The following MYO9B variants were observed in gnomAD, a reference collection of about 807,000 sequenced individuals.
The protein encoded by MYO9B is unconventional myosin-IXb.
In MYO9B, 71 loss-of-function variants were observed where a neutral mutation model predicts 229.5. That is an observed-to-expected ratio of 0.31 (90% CI 0.26 to 0.38). The LOEUF is 0.38. Ranked by LOEUF, MYO9B falls within the 10% of genes least tolerant of loss-of-function variation. MYO9B has a pLI of 1.00. For missense variants in MYO9B, 2,255 were observed against 2,920.5 expected (o/e 0.77, Z 5.25); for synonymous variants, 1,185 against 1,235.8 (o/e 0.96, Z 0.86).
intron 15 of MYO9B, among the ~76,000 whole-genome samples, chr19:17,183,124 G>A (rs1036519872): frequency 1.3e-5 from 2 of 152,154 alleles, no homozygotes; most frequent in South Asian, 2.1e-4. Context: ...GTTTCACCAT[G>A]TTGGCCAGGC....
In MYO9B at chr19:17,106,549, C is replaced by T. The variant is rs149985410; in HGVS notation, c.840+3992C>T. Among the ~76,000 whole-genome samples, 269 of 152,358 alleles carry T rather than the reference C, an allele frequency of 1.8e-3. 1 individual carries two copies. Among genetic ancestry groups the T allele is most frequent in the Non-Finnish European group, 2.4e-3 (162 of 68,032 alleles). ...AAACTGCCAGTGGCCCCAGTGTCCTCCCAGCAGGTGGCCAGGGGGCTCAAC... is the reference window on the plus strand; with the variant it reads ...AAACTGCCAGTGGCCCCAGTGTCCTTCCAGCAGGTGGCCAGGGGGCTCAAC... On this transcript the variant is annotated intron_variant, in intron 2 of 39. Transcript: ENST00000682292.
intron 10 of MYO9B, among the ~76,000 whole-genome samples, chr19:17,167,473 A>ATTT (rs36062777): frequency 3.4e-5 from 4 of 117,396 alleles, no homozygotes; most frequent in Admixed American, 9.5e-5. Flanking sequence ...TATTAGAGCT[A>ATTT]TTTTTTTTTT....
At chr19:17,114,290 G>T (rs559956535) in intron 2 of MYO9B, among the ~76,000 whole-genome samples, 1 of 152,126 alleles carries the variant, frequency 6.6e-6, no homozygotes. Flanking sequence ...AATTCGGCAC[G>T]ATTGTGGAGT....
At chr19:17,113,369 C>T (rs1018505831) in intron 2 of MYO9B, among the ~76,000 whole-genome samples, 4 of 152,138 alleles carry the variant, frequency 2.6e-5, no homozygotes, top group Admixed American at 1.3e-4. Context: ...GGGTGCCCGT[C>T]CTCCTCTCGG....
chr19:17,107,519 TA>T (rs1257102063), intron 2 of MYO9B, among the ~76,000 whole-genome samples: 1 of 152,144 alleles, frequency 6.6e-6, no homozygotes, highest in East Asian at 1.9e-4. Context: ...TGCTAAGTGT[TA>T]GGGGCAAGGG....
At position 17,154,035 on chromosome 19, in the gene MYO9B, A is replaced by G. The variant is rs950577999; in HGVS notation, c.1067A>G (p.Lys356Arg). ...SEEERQEFQL[K>R]QPEDYFYLNQ... is the part of the protein sequence containing the mutation. The stretch of plus-strand genomic sequence containing the variant: ...GAAGAGCGCCAAGAATTTCAGCTCA[A>G]GCAGCCTGAAGATTATTTCTACCTC... Residue 356 changes from lysine (K) to arginine (R), a missense_variant, in exon 5 of 40, where the codon AAG (lysine) becomes AGG (arginine). Lys to Arg is a conservative substitution (Grantham distance 26, BLOSUM62 2). This residue lies in a region of MYO9B where 386 missense variants were observed against 515.2 expected (regional missense o/e 0.75). Transcript: ENST00000682292. The G allele has an allele frequency of 1.1e-5, 17 of 1,613,124 alleles. No individual in the cohort carries two copies. The highest frequency in any genetic ancestry group is 1.3e-5 in the African/African-American group (1 of 74,802).
intron 3 of MYO9B, among the ~76,000 whole-genome samples, chr19:17,146,679 G>T (rs758852488): frequency 6.6e-6 from 1 of 152,092 alleles, no homozygotes; most frequent in East Asian, 1.9e-4. Context: ...TTGTGGATGT[G>T]TCAATTAGCG....
At chr19:17,120,103 A>G (rs113768511) in intron 2 of MYO9B, among the ~76,000 whole-genome samples, 2 of 152,172 alleles carry the variant, frequency 1.3e-5, no homozygotes, top group African/African-American at 2.4e-5. Flanking sequence ...TGTCAAAGGC[A>G]GGATGTGTAA....
In MYO9B at chr19:17,194,674, G is replaced by A. The variant is rs2073021561; in HGVS notation, c.3247G>A (p.Val1083Ile). ...GQGQAAGGQQ[V>I]AEQGPEPAED... ...GGGTCAGGCGGCTGGAGGGCAGCAG[G>A]TAGCTGAGCAGGGGCCGGAGCCAGC... is the stretch of plus-strand genomic sequence containing the variant. Residue 1083 changes from valine to isoleucine, a missense_variant, in exon 22 of 40, where the codon GTA (valine) becomes ATA (isoleucine). Coordinates refer to ENST00000682292, the MANE Select transcript of MYO9B (RefSeq NM_004145.4). 3 of 1,612,874 alleles carry A rather than the reference G, an allele frequency of 1.9e-6. No individual in the cohort carries two copies. The highest frequency in any genetic ancestry group is 2.5e-6 in the Non-Finnish European group (3 of 1,179,868).
Position 17,195,964 on chromosome 19 carries a change from C to T in MYO9B, c.4046+491C>T, listed in dbSNP as rs977392477. 2.6e-5 allele frequency among the ~76,000 whole-genome samples: 4 copies of T among 151,828 alleles called. No individual in the cohort carries two copies. The highest frequency in any genetic ancestry group is 6.6e-5 in the Admixed American group (1 of 15,228). On this transcript the variant is annotated intron_variant, in intron 22 of 39. Transcript: ENST00000682292. This position sits in a 1 kb window ranked among gnomAD's most constrained non-coding sequence, Gnocchi z 4.5. ...GGAGACAGGCCTTCCCTGCAGCAGG[C>T]CTGCTCAGCCTCCCACTGCTCGTAT...
intron 2 of MYO9B, among the ~76,000 whole-genome samples, chr19:17,127,484 A>G (rs997805985): frequency 6.2e-5 from 9 of 144,814 alleles, no homozygotes; most frequent in South Asian, 4.5e-4. Flanking sequence ...CCACCACCAC[A>G]CCCGGCTAAT....
In MYO9B at chr19:17,206,346, G is replaced by A. The variant is rs756456828; in HGVS notation, c.5356G>A (p.Ala1786Thr). 11 of 1,610,236 alleles carry A rather than the reference G, an allele frequency of 6.8e-6. No individual in the cohort carries two copies. The highest frequency in any genetic ancestry group is 2.7e-5 in the African/African-American group (2 of 74,796). ...RELPEPLMTF[A>T]QYGDFLRAVE... Reference sequence around the variant, plus strand: ...GCTGCCCGAGCCCCTCATGACCTTCGCACAGTACGGCGACTTCCTCCGAGC... The same window carrying A: ...GCTGCCCGAGCCCCTCATGACCTTCACACAGTACGGCGACTTCCTCCGAGC... Residue 1786 changes from alanine (A) to threonine (T), a missense_variant, in exon 33 of 40, where the codon GCA becomes ACA. Physicochemically the swap from Ala to Thr is moderately conservative, Grantham distance 58 (BLOSUM62 0). Transcript: ENST00000682292.
intron 2 of MYO9B, among the ~76,000 whole-genome samples, chr19:17,123,369 C>T (rs897502223): frequency 1.3e-5 from 2 of 151,880 alleles, no homozygotes; most frequent in Non-Finnish European, 2.9e-5. Context: ...AGGTATAACA[C>T]TTGTGAATAT....
At chr19:17,143,214 G>T (rs892255856) in intron 2 of MYO9B, among the ~76,000 whole-genome samples, 8 of 149,358 alleles carry the variant, frequency 5.4e-5, no homozygotes, top group Non-Finnish European at 1.0e-4. Flanking sequence ...ACCCCAGCCT[G>T]GCAACAGAAC....
chr19:17,180,679 T>A (rs923657160), intron 14 of MYO9B: 2 of 415,502 alleles, frequency 4.8e-6, no homozygotes, highest in Admixed American at 9.1e-5. Context: ...GGATCAATGA[T>A]CTGTGTTGCC....
At chr19:17,119,082 A>T (rs2057936263) in intron 2 of MYO9B, among the ~76,000 whole-genome samples, 1 of 152,190 alleles carries the variant, frequency 6.6e-6, no homozygotes, top group African/African-American at 2.4e-5. Context: ...GTTTGAGTGC[A>T]GGCTTGGCTG....
chr19:17,167,541 G>A (rs149448235), intron 10 of MYO9B, among the ~76,000 whole-genome samples: 31 of 148,312 alleles, frequency 2.1e-4, no homozygotes, highest in African/African-American at 4.2e-4. Context: ...GACTAATGGC[G>A]CAATCTTGGC....
At chr19:17,187,470 T>G (rs748014879) in intron 18 of MYO9B, among the ~76,000 whole-genome samples, 2 of 151,608 alleles carry the variant, frequency 1.3e-5, no homozygotes, top group South Asian at 2.1e-4. Context: ...AGCTCTCCTC[T>G]CCACCGAATT....
chr19:17,143,123 C>T (rs937761522), intron 2 of MYO9B, among the ~76,000 whole-genome samples: 1 of 151,824 alleles, frequency 6.6e-6, no homozygotes, highest in African/African-American at 2.4e-5. Flanking sequence ...CCTGTAATCC[C>T]AGCTACCCGG....
Sources: gnomAD v4.1 joint callset for allele counts (sites outside exome capture counted in the v4.1 genomes callset) on GRCh38, gnomAD v4.1.1 for gene constraint, gnomAD v4.1.1 regional missense constraint, Gnocchi (gnomAD v3.1) non-coding constraint, MANE v1.5 for transcripts, NCBI Gene and HGNC (gene_info 2026-07-23, HGNC 2026-07-21) for gene names.